Variants in NAA11 observed in about 807,000 individuals in gnomAD.
NAA11 encodes the protein N-alpha-acetyltransferase 11, NatA catalytic subunit.
In NAA11, 15 loss-of-function variants were observed where a neutral mutation model predicts 16.1. The ratio of observed to expected loss-of-function variants is 0.93; its 90% CI spans 0.62 to 1.44. NAA11 has a LOEUF of 1.44. Among genes scored for constraint, NAA11 ranks in the 40% most tolerant of loss-of-function variants. The pLI is 0.00. For missense variants in NAA11, 298 were observed against 291.3 expected (o/e 1.02, Z -0.17); for synonymous variants, 122 against 112.4 (o/e 1.09, Z -0.54).
intron 2 of NAA11, chr4:79,244,638 C>CCCCCTCCCCCTCCCCATCTCCCGTCT (rs60096999): frequency 5.4e-4 from 24 of 44,368 alleles, no homozygotes; most frequent in South Asian, 2.4e-3. Context: ...CCCTCCCCCT[C>CCCCCTCCCCCTCCCCATCTCCCGTCT]CCCGTCTCCG....
the NAA11 span, among the ~76,000 whole-genome samples, chr4:79,177,086 ATAATTT>A: frequency 2.5e-3 from 388 of 152,234 alleles, 3 homozygotes; most frequent in African/African-American, 8.7e-3. Context: ...ACAGATAGAA[ATAATTT>A]TAATTTTTTG....
the NAA11 span, among the ~76,000 whole-genome samples, chr4:79,183,061 A>T: frequency 1.3e-5 from 2 of 152,076 alleles, no homozygotes; most frequent in African/African-American, 2.4e-5. Flanking sequence ...GGGAGGTAAC[A>T]TTTTCCCCCT....
intron 1 of NAA11, among the ~76,000 whole-genome samples, chr4:79,300,261 A>G (rs568052484): frequency 6.6e-6 from 1 of 152,320 alleles, no homozygotes; most frequent in South Asian, 2.1e-4. Flanking sequence ...GAACATTACA[A>G]TGAAATTTGG....
At chr4:79,305,627 T>C (rs571002969) in intron 1 of NAA11, among the ~76,000 whole-genome samples, 58 of 152,290 alleles carry the variant, frequency 3.8e-4, no homozygotes, top group Non-Finnish European at 6.6e-4. Context: ...AGCAGTGAGA[T>C]GGGGAAGCTT....
At chr4:79,164,539 T>G in the NAA11 span, among the ~76,000 whole-genome samples, 9 of 152,302 alleles carry the variant, frequency 5.9e-5, no homozygotes, top group South Asian at 1.9e-3. Flanking sequence ...ACCCACTTAG[T>G]TATCTAGAAA....
the NAA11 span, among the ~76,000 whole-genome samples, chr4:79,194,889 A>G: frequency 1.3e-5 from 2 of 152,124 alleles, no homozygotes; most frequent in East Asian, 3.9e-4. Context: ...TAACTTGCTC[A>G]GTGTCACACA....
chr4:79,295,644 A>G (rs1052707400), intron 1 of NAA11, among the ~76,000 whole-genome samples: 2 of 152,202 alleles, frequency 1.3e-5, no homozygotes, highest in Admixed American at 1.3e-4. Flanking sequence ...TATTACTTTA[A>G]AAAAGCAGGA....
chr4:79,243,895 T>C (rs959603686), intron 2 of NAA11, among the ~76,000 whole-genome samples: 3 of 152,228 alleles, frequency 2.0e-5, no homozygotes, highest in Non-Finnish European at 4.4e-5. Flanking sequence ...GGCTGGCCTC[T>C]TTCCCATGAT....
chr4:79,184,594 T>G, the NAA11 span, among the ~76,000 whole-genome samples: 1 of 152,206 alleles, frequency 6.6e-6, no homozygotes, highest in East Asian at 1.9e-4. Context: ...TTGTTTTCTT[T>G]GAGGTCCTAA....
chr4:79,248,760 C>T (rs558242008), intron 2 of NAA11, among the ~76,000 whole-genome samples: 1 of 152,240 alleles, frequency 6.6e-6, no homozygotes, highest in Non-Finnish European at 1.5e-5. Context: ...TAAACCTGCA[C>T]GTGGAGAACA....
At chr4:79,237,298 C>T (rs1405220522) in intron 2 of NAA11, among the ~76,000 whole-genome samples, 1 of 152,136 alleles carries the variant, frequency 6.6e-6, no homozygotes, top group Non-Finnish European at 1.5e-5. Flanking sequence ...CCTAGCTGCT[C>T]ATTCACACAG....
chr4:79,290,314 A>C (rs1284356927), intron 2 of NAA11, among the ~76,000 whole-genome samples: 1 of 152,138 alleles, frequency 6.6e-6, no homozygotes, highest in East Asian at 1.9e-4. Context: ...AGAACAGAAA[A>C]AGGAAAATGG....
intron 1 of NAA11, among the ~76,000 whole-genome samples, chr4:79,296,203 A>T (rs1438301896): frequency 6.6e-6 from 1 of 152,230 alleles, no homozygotes; most frequent in African/African-American, 2.4e-5. Context: ...GACCTAGTTA[A>T]TCTTCATCAT....
At chr4:79,307,891 T>C (rs780432398) in intron 1 of NAA11, among the ~76,000 whole-genome samples, 39 of 152,338 alleles carry the variant, frequency 2.6e-4, no homozygotes, top group Admixed American at 3.9e-4. Flanking sequence ...GTAAAGGACA[T>C]ATGGATCCTA....
At chr4:79,288,910 AG>A (rs1379849861) in intron 2 of NAA11, among the ~76,000 whole-genome samples, 1 of 152,182 alleles carries the variant, frequency 6.6e-6, no homozygotes, top group East Asian at 1.9e-4. Flanking sequence ...TATTGTCTTC[AG>A]TATACTTTTT....
the NAA11 span, among the ~76,000 whole-genome samples, chr4:79,193,442 A>G: frequency 6.6e-6 from 1 of 152,188 alleles, no homozygotes; most frequent in East Asian, 1.9e-4. Flanking sequence ...CTTTCTACAT[A>G]TGGCTAGCCA....
chr4:79,205,624 C>T, the NAA11 span, among the ~76,000 whole-genome samples: 1 of 151,852 alleles, frequency 6.6e-6, no homozygotes, highest in African/African-American at 2.4e-5. Context: ...GATTAAGTCC[C>T]ATTTATTTAT....
At chr4:79,231,529 C>G (rs563128352) in intron 2 of NAA11, among the ~76,000 whole-genome samples, 2 of 151,934 alleles carry the variant, frequency 1.3e-5, no homozygotes, top group Admixed American at 1.3e-4. Flanking sequence ...AGGTATTGGT[C>G]CTTTTTGAAA....
In NAA11 at chr4:79,248,804, C is replaced by T. The variant is rs576320725; in HGVS notation, c.*123-22534G>A. Among the ~76,000 whole-genome samples, 14 of 152,328 alleles carry T rather than the reference C, an allele frequency of 9.2e-5. No homozygotes were observed. The South Asian group carries it at 2.9e-3, about 32-fold the overall frequency. The stretch of plus-strand genomic sequence containing the variant: ...GCTGCCACCACTGCTGCTGTGAACA[C>T]CCGCAGGAGACTGGCACTGCACTGT... On this transcript the variant is annotated intron_variant and NMD_transcript_variant, in intron 2 of 2. Coordinates refer to the NAA11 transcript ENST00000511542.
Sources: gnomAD v4.1 joint callset for allele counts (sites outside exome capture counted in the v4.1 genomes callset) on GRCh38, gnomAD v4.1.1 for gene constraint, MANE v1.5 for transcripts, NCBI Gene and HGNC (gene_info 2026-07-23, HGNC 2026-07-21) for gene names.